IQCE: variants seen among roughly 807,000 people sequenced by gnomAD.
The protein encoded by IQCE is IQ domain-containing protein E.
IQCE carries 115 observed loss-of-function variants against 96.0 expected under a neutral mutation model. The observed-to-expected ratio is 1.20, with a 90% CI of 1.03 to 1.40. The LOEUF (loss-of-function observed/expected upper bound fraction) is 1.40. IQCE is among the 40% of genes most tolerant of loss of function. The pLI is 0.00. For synonymous variants in IQCE, 412 were observed against 371.2 expected, an observed-to-expected ratio of 1.11 and a Z score of -1.26; for missense variants, 1,041 against 909.1, an observed-to-expected ratio of 1.15 and a Z score of -1.87.
chr7:2,584,830 C>T (rs1424082725), intron 11 of IQCE, among the ~76,000 whole-genome samples: 2 of 152,190 alleles, frequency 1.3e-5, no homozygotes, highest in Non-Finnish European at 2.9e-5. Flanking sequence ...TACCCCTAAT[C>T]CTTAAAACTG....
rs1781791331 is a variant in IQCE at position 2,572,077 on chromosome 7, G to A, written c.260-115G>A. 4.5e-6 allele frequency: 5 copies of A among 1,121,952 alleles called. No individual in the cohort carries two copies. In the South Asian group the frequency reaches 7.5e-5, roughly 17 times the overall value. 69.5% of individuals were successfully genotyped at this position (1,121,952 alleles called of 1,614,324 possible). A position where few individuals can be genotyped will look rare whatever the true frequency, so the allele number is the denominator to read the frequency against. ...ACCATTTACCAGCACGACACTGACG[G>A]CTGGCGTCTATCAGTGATTCAGCTT... On this transcript the variant is annotated intron_variant, in intron 4 of 21. Coordinates refer to ENST00000402050, the MANE Select transcript of IQCE (RefSeq NM_152558.5).
At chr7:2,588,654 GTT>G (rs370704456) in intron 13 of IQCE, among the ~76,000 whole-genome samples, 3,470 of 49,004 alleles carry the variant, frequency 0.071, 8 homozygotes, top group Non-Finnish European at 0.096. Context: ...TGCCTGGCTG[GTT>G]TTTTTTTTTT....
At chr7:2,579,439 G>A (rs1782478106) in intron 8 of IQCE, among the ~76,000 whole-genome samples, 1 of 151,958 alleles carries the variant, frequency 6.6e-6, no homozygotes, top group African/African-American at 2.4e-5. Flanking sequence ...GGGAGGAGAA[G>A]GATATTATGG....
chr7:2,609,016 T>G (rs184164046), intron 21 of IQCE, among the ~76,000 whole-genome samples: 1 of 152,164 alleles, frequency 6.6e-6, no homozygotes, highest in African/African-American at 2.4e-5. Context: ...ACATGAGCAG[T>G]TCATTACTTT....
At chr7:2,576,024 C>CT (rs1167425671) in intron 6 of IQCE, among the ~76,000 whole-genome samples, 1 of 152,240 alleles carries the variant, frequency 6.6e-6, no homozygotes. Context: ...ACTGCTGGGC[C>CT]TTCGCTAATT....
At chr7:2,603,580 C>T (rs927867993) in intron 18 of IQCE, among the ~76,000 whole-genome samples, 3 of 152,172 alleles carry the variant, frequency 2.0e-5, no homozygotes, top group South Asian at 2.1e-4. Flanking sequence ...CCAGTGTGTG[C>T]GCAGTGTGTG....
At position 2,584,233 on chromosome 7, in the gene IQCE, C is replaced by G; in HGVS notation, c.775-3C>G. 6.2e-7 allele frequency: 1 copy of G among 1,613,356 alleles called. No homozygotes were observed. Among genetic ancestry groups the G allele is most frequent in the Non-Finnish European group, 8.5e-7 (1 of 1,179,230 alleles). ...TTCATGCATTTCAATTTGGTATTTA[C>G]AGGTGCATCGTCTCCAGACCCTCTT... On this transcript the variant is annotated splice_region_variant and splice_polypyrimidine_tract_variant and intron_variant, in intron 10 of 21. Coordinates refer to ENST00000402050, the MANE Select transcript of IQCE (RefSeq NM_152558.5).
chr7:2,583,721 T>A lies in IQCE; in HGVS notation c.774+12T>A. The A allele has an allele frequency of 7.2e-7, 1 of 1,394,996 alleles. No individual in the cohort carries two copies. Among genetic ancestry groups the A allele is most frequent in the Non-Finnish European group, 9.5e-7 (1 of 1,050,650 alleles). The allele number at this position is 1,394,996 out of a possible 1,614,324, so 86.4% of individuals were successfully genotyped here. On this transcript the variant is annotated intron_variant, in intron 10 of 21. Transcript: ENST00000402050. ...CATACTACGAGGAGGTGCGCCGTGC[T>A]GGGCGGCGGAGCGGAGGGCGGGCAC...
intron 12 of IQCE, 101 bp from the exon 13 acceptor site, chr7:2,587,721 C>T: frequency 8.3e-7 from 1 of 1,200,600 alleles, no homozygotes; most frequent in South Asian, 1.2e-5. Context: ...CCGCAGGCTG[C>T]TCCGGCTGCG....
intron 18 of IQCE, among the ~76,000 whole-genome samples, chr7:2,603,235 C>T (rs1225505828): frequency 6.6e-6 from 1 of 152,202 alleles, no homozygotes; most frequent in Non-Finnish European, 1.5e-5. Context: ...CTCCCGGTCC[C>T]CACAGCCCGC....
At chr7:2,601,235 C>A (rs1784408580) in intron 17 of IQCE, among the ~76,000 whole-genome samples, 1 of 152,172 alleles carries the variant, frequency 6.6e-6, no homozygotes, top group African/African-American at 2.4e-5. Context: ...CTGGAGAATT[C>A]CCGCCATCCT....
Position 2,568,901 on chromosome 7 carries a change from A to T in IQCE, c.85-53A>T, listed in dbSNP as rs367938810. On this transcript the variant is annotated intron_variant, in intron 2 of 21. Coordinates refer to ENST00000402050, the MANE Select transcript of IQCE (RefSeq NM_152558.5). ...TTTCTGAACATGGTAGGGTCTTGTG[A>T]TGCACCACTGTGGGAGCTCAGCAAG... is the stretch of plus-strand genomic sequence containing the variant. The T allele has an allele frequency of 3.0e-5, 45 of 1,522,802 alleles. No individual in the cohort carries two copies. In the East Asian group the frequency reaches 1.0e-3, roughly 34 times the overall value. The allele number at this position is 1,522,802 out of a possible 1,614,324, so 94.3% of individuals were successfully genotyped here. A position where few individuals can be genotyped will look rare whatever the true frequency, so the allele number is the denominator to read the frequency against.
Position 2,613,259 on chromosome 7 carries a change from GA to G in IQCE, c.*3098del, listed in dbSNP as rs1785176703. ...AGCTGGCCCCGTGCAGGTGGCTGGT[GA>G]GCCACAGGTGCAGTACCCGGAGGTG... On this transcript the variant is annotated 3_prime_UTR_variant, in exon 22 of 22. Coordinates refer to ENST00000402050, the MANE Select transcript of IQCE (RefSeq NM_152558.5). The G allele has an allele frequency of 6.6e-6, 1 of 152,384 alleles. No individual in the cohort carries two copies. Among genetic ancestry groups the G allele is most frequent in the African/African-American group, 2.4e-5 (1 of 41,452 alleles). The allele number at this position is 152,384 out of a possible 1,614,324, so 9.4% of individuals were successfully genotyped here.
rs375323377 is a variant in IQCE, at chr7:2,573,386, G to A, written c.395-32G>A. The stretch of plus-strand genomic sequence containing the variant: ...AAGAATTCTTTCTACTTTGTAGATA[G>A]TCTTTGAAACGATTTGTTTATGTTT... On this transcript the variant is annotated intron_variant, in intron 5 of 21. Transcript: ENST00000402050. 6.8e-6 allele frequency: 7 copies of A among 1,029,744 alleles called. No individual in the cohort carries two copies. In the African/African-American group the frequency reaches 9.5e-5, roughly 14 times the overall value. The allele number at this position is 1,029,744 out of a possible 1,614,324, so 63.8% of individuals were successfully genotyped here. A position where few individuals can be genotyped will look rare whatever the true frequency, so the allele number is the denominator to read the frequency against.
intron 17 of IQCE, 56 bp downstream of exon 17, chr7:2,598,688 C>G (rs1784235978): frequency 1.4e-6 from 2 of 1,402,650 alleles, no homozygotes; most frequent in African/African-American, 1.5e-5. Flanking sequence ...TGCTCCAAGG[C>G]AAGCCACTCA....
At chr7:2,601,898 A>G (rs1784460119) in intron 18 of IQCE, 1 of 178,928 alleles carries the variant, frequency 5.6e-6, no homozygotes. Flanking sequence ...TAAGTATAAA[A>G]TACATGAGAA....
chr7:2,596,127 C>T (rs899993865), intron 16 of IQCE, among the ~76,000 whole-genome samples: 6 of 152,176 alleles, frequency 3.9e-5, no homozygotes, highest in Admixed American at 2.6e-4. Context: ...CCAGTAGAAG[C>T]CACCACCTAT....
Position 2,587,896 on chromosome 7 carries a change from G to A in IQCE, c.1044+19G>A, listed in dbSNP as rs1184906339. The A allele has an allele frequency of 5.0e-6, 8 of 1,612,872 alleles. No homozygotes were observed. Among genetic ancestry groups the A allele is most frequent in the Non-Finnish European group, 6.8e-6 (8 of 1,179,160 alleles). On this transcript the variant is annotated intron_variant, in intron 13 of 21. Transcript: ENST00000402050. ...GGAGAAGGTGAGCGGGCGTCTCAGT[G>A]CCACTGTCGTTGGGGACCAGGGGCC...
intron 1 of IQCE, among the ~76,000 whole-genome samples, chr7:2,565,232 TGTGTGC>T (rs1241194449): frequency 6.8e-6 from 1 of 147,090 alleles, no homozygotes; most frequent in Non-Finnish European, 1.5e-5. Context: ...TGCATGAGTG[TGTGTGC>T]GTGTGTGTGT....
Sources: allele counts gnomAD v4.1 joint callset (sites outside exome capture counted in the v4.1 genomes callset), GRCh38; gene constraint gnomAD v4.1.1; transcripts MANE v1.5; gene names NCBI Gene and HGNC (gene_info 2026-07-23, HGNC 2026-07-21).